AGAP1: variants seen among roughly 807,000 people sequenced by gnomAD.
The protein encoded by AGAP1 is ArfGAP with GTPase domain, ankyrin repeat and PH domain 1, also known as arf-GAP with GTPase, ANK repeat and PH domain-containing protein 1.
AGAP1 carries 29 observed loss-of-function variants against 105.3 expected under a neutral mutation model. The ratio of observed to expected loss-of-function variants is 0.28; its 90% CI spans 0.21 to 0.38. The LOEUF (loss-of-function observed/expected upper bound fraction) is 0.38. Ranked by LOEUF, AGAP1 falls within the 10% of genes least tolerant of loss-of-function variation. The pLI is 1.00. For missense variants in AGAP1, 998 were observed against 1,165.1 expected (o/e 0.86, Z 2.09); for synonymous variants, 509 against 485.9 (o/e 1.05, Z -0.63).
rs73996650 is a variant in AGAP1 at position 235,960,141 on chromosome 2, G to C, written c.1484-8321G>C. 0.063 allele frequency among the ~76,000 whole-genome samples: 9,570 copies of C among 152,172 alleles called. 978 individuals are homozygous for C. The highest frequency in any genetic ancestry group is 0.22 in the African/African-American group (9,106 of 41,452). On this transcript the variant is annotated intron_variant, in intron 12 of 17. Coordinates refer to ENST00000304032, the MANE Select transcript of AGAP1 (RefSeq NM_001037131.3). The surrounding 1 kb of genome is among the most constrained non-coding windows in gnomAD (Gnocchi z 4.9). Reference sequence around the variant, plus strand: ...GGGAGGGTGCTTGCGGACCCACCCTGGAGGACCTCGGCCCTGTAAGCAGCA... The same window carrying C: ...GGGAGGGTGCTTGCGGACCCACCCTCGAGGACCTCGGCCCTGTAAGCAGCA...
At chr2:235,852,438 C>T (rs983552329) in intron 9 of AGAP1, among the ~76,000 whole-genome samples, 1 of 152,194 alleles carries the variant, frequency 6.6e-6, no homozygotes, top group African/African-American at 2.4e-5. Flanking sequence ...TTTTGACAGG[C>T]GCCTGACAGG....
rs2057699837 is a variant in AGAP1, at chr2:236,045,838, C to T, written c.1892-3221C>T. The T allele has an allele frequency of 2.4e-6, 1 of 413,680 alleles. No individual in the cohort carries two copies. Among genetic ancestry groups the T allele is most frequent in the Admixed American group, 2.6e-5 (1 of 39,150 alleles). The allele number at this position is 413,680 out of a possible 1,614,324, so 25.6% of individuals were successfully genotyped here. A position where few individuals can be genotyped will look rare whatever the true frequency, so the allele number is the denominator to read the frequency against. ...TCTCTGCTGGAGCGGAGGCAAGGTTCTCCCCTCAGTCAGCCCCAGCCTTAC... is the reference window on the plus strand; with the variant it reads ...TCTCTGCTGGAGCGGAGGCAAGGTTTTCCCCTCAGTCAGCCCCAGCCTTAC... On this transcript the variant is annotated intron_variant, in intron 15 of 17. Coordinates refer to ENST00000304032, the MANE Select transcript of AGAP1 (RefSeq NM_001037131.3). This position sits in a 1 kb window ranked among gnomAD's most constrained non-coding sequence, Gnocchi z 6.9.
chr2:236,113,429 A>G lies in AGAP1; in HGVS notation c.2115-6763A>G, dbSNP rs1382382852. Reference sequence around the variant, plus strand: ...GCTGGGATTACAGTCATGAGCCACCATGCCCGGCTGGAGTTTGTTTTTTAA... The same window carrying G: ...GCTGGGATTACAGTCATGAGCCACCGTGCCCGGCTGGAGTTTGTTTTTTAA... On this transcript the variant is annotated intron_variant, in intron 16 of 17. Transcript: ENST00000304032. The surrounding 1 kb of genome is among the most constrained non-coding windows in gnomAD (Gnocchi z 4.3). Among the ~76,000 whole-genome samples the G allele has an allele frequency of 2.0e-5, 3 of 152,176 alleles. No individual in the cohort carries two copies. Among genetic ancestry groups the G allele is most frequent in the African/African-American group, 7.2e-5 (3 of 41,436 alleles).
rs1358473581 is a variant in AGAP1, at chr2:236,096,325, C to T, written c.2115-23867C>T. ...GACCAGCCTGGCCAACATAGTGAAACACCCATCTCTACTAAAAATACAAAA... is the reference window on the plus strand; with the variant it reads ...GACCAGCCTGGCCAACATAGTGAAATACCCATCTCTACTAAAAATACAAAA... On this transcript the variant is annotated intron_variant, in intron 16 of 17. Coordinates refer to ENST00000304032, the MANE Select transcript of AGAP1 (RefSeq NM_001037131.3). This position sits in a 1 kb window ranked among gnomAD's most constrained non-coding sequence, Gnocchi z 4.4. 6.6e-6 allele frequency among the ~76,000 whole-genome samples: 1 copy of T among 151,994 alleles called. No homozygotes were observed. Among genetic ancestry groups the T allele is most frequent in the East Asian group, 2.0e-4 (1 of 5,096 alleles).
At position 235,970,205 on chromosome 2, in the gene AGAP1, TTAAAAA is replaced by T. The variant is rs903669655; in HGVS notation, c.1645+1583_1645+1588del. 2.6e-5 allele frequency among the ~76,000 whole-genome samples: 3 copies of T among 115,396 alleles called. No individual in the cohort carries two copies. Among genetic ancestry groups the T allele is most frequent in the Non-Finnish European group, 5.5e-5 (3 of 54,530 alleles). The allele number at this position is 115,396 out of a possible 152,430, so 75.7% of individuals were successfully genotyped here. ...CGGGCGACAGAGTGAGACTCTGTCT[TTAAAAA>T]AAAAAAAAAAAAAAAAAGACGATTT... On this transcript the variant is annotated intron_variant, in intron 13 of 17. Transcript: ENST00000304032. This position sits in a 1 kb window ranked among gnomAD's most constrained non-coding sequence, Gnocchi z 5.4.
chr2:235,668,855 C>A (rs1447323502), intron 1 of AGAP1, among the ~76,000 whole-genome samples: 1 of 152,062 alleles, frequency 6.6e-6, no homozygotes, highest in East Asian at 1.9e-4. Context: ...TTATTGGCAC[C>A]CCTGTTTTAC....
rs1944771079 is a variant in AGAP1 at position 235,577,462 on chromosome 2, C to T, written c.163+82613C>T. On this transcript the variant is annotated intron_variant, in intron 1 of 17. Coordinates refer to ENST00000304032, the MANE Select transcript of AGAP1 (RefSeq NM_001037131.3). This position sits in a 1 kb window ranked among gnomAD's most constrained non-coding sequence, Gnocchi z 4.5. ...TGCCCAAAGCCTTTGCCAGATGAGA[C>T]ACTGCCTCTCGCTGAATGCCTGCTT... Among the ~76,000 whole-genome samples the T allele has an allele frequency of 6.6e-6, 1 of 152,142 alleles. No individual in the cohort carries two copies. The highest frequency in any genetic ancestry group is 1.5e-5 in the Non-Finnish European group (1 of 68,026).
intron 1 of AGAP1, among the ~76,000 whole-genome samples, chr2:235,583,757 G>A (rs73120485): frequency 0.56 from 84,771 of 151,032 alleles, 24,658 homozygotes; most frequent in African/African-American, 0.71. Flanking sequence ...TGCGCCTGTA[G>A]TCCCAGCTAC....
chr2:235,739,749 T>C lies in AGAP1; in HGVS notation c.311-1214T>C, dbSNP rs2149655530. Among the ~76,000 whole-genome samples the C allele has an allele frequency of 6.6e-6, 1 of 152,274 alleles. No homozygotes were observed. The highest frequency in any genetic ancestry group is 3.4e-3 in the Middle Eastern group (1 of 294). ...TGTGGCCTCAGAGGGTAGCTGCCCGTCTGGAGGGCCTCGGACACTTTCAGG... is the reference window on the plus strand; with the variant it reads ...TGTGGCCTCAGAGGGTAGCTGCCCGCCTGGAGGGCCTCGGACACTTTCAGG... On this transcript the variant is annotated intron_variant, in intron 3 of 17. Transcript: ENST00000304032. This position sits in a 1 kb window ranked among gnomAD's most constrained non-coding sequence, Gnocchi z 5.3.
At chr2:236,022,339 C>G (rs1218524242) in intron 13 of AGAP1, among the ~76,000 whole-genome samples, 1 of 152,232 alleles carries the variant, frequency 6.6e-6, no homozygotes, top group African/African-American at 2.4e-5. Flanking sequence ...CTCTGTTGGA[C>G]TCTCTTGGCT....
chr2:235,834,081 A>G (rs968683099), intron 9 of AGAP1, among the ~76,000 whole-genome samples: 3 of 151,444 alleles, frequency 2.0e-5, no homozygotes, highest in African/African-American at 7.3e-5. Flanking sequence ...CTGTGTCTCT[A>G]TGCAGTCCAC....
At chr2:235,643,692 G>A (rs1947279542) in intron 1 of AGAP1, among the ~76,000 whole-genome samples, 1 of 151,862 alleles carries the variant, frequency 6.6e-6, no homozygotes, top group Non-Finnish European at 1.5e-5. Flanking sequence ...GGCCAAGTGA[G>A]ATAACCGTAT....
chr2:235,704,965 T>G (rs1950456279), intron 1 of AGAP1, among the ~76,000 whole-genome samples: 2 of 55,728 alleles, frequency 3.6e-5, no homozygotes, highest in South Asian at 1.4e-3. Flanking sequence ...CAAGATGCTT[T>G]TTTCTTTTTT....
At chr2:236,017,322 T>G (rs1449930997) in intron 13 of AGAP1, among the ~76,000 whole-genome samples, 2 of 151,948 alleles carry the variant, frequency 1.3e-5, no homozygotes, top group Non-Finnish European at 2.9e-5. Flanking sequence ...ATTACAGAAT[T>G]TATAAAATTA....
chr2:235,688,108 G>C (rs899629566), intron 1 of AGAP1, among the ~76,000 whole-genome samples: 13 of 151,994 alleles, frequency 8.6e-5, no homozygotes, highest in African/African-American at 2.9e-4. Flanking sequence ...CACCATGCTG[G>C]CCAGGCTGGT....
chr2:236,053,247 G>A lies in AGAP1; in HGVS notation c.2114+3966G>A, dbSNP rs944552606. Among the ~76,000 whole-genome samples the A allele has an allele frequency of 6.6e-6, 1 of 152,242 alleles. No homozygotes were observed. The highest frequency in any genetic ancestry group is 1.5e-5 in the Non-Finnish European group (1 of 68,046). On this transcript the variant is annotated intron_variant, in intron 16 of 17. Transcript: ENST00000304032. The surrounding 1 kb of genome is among the most constrained non-coding windows in gnomAD (Gnocchi z 4.6). ...AAGATGTTAAAACAGTCGTGCGAAC[G>A]TCTCCTGCATGAATGAATGATTGAA...
chr2:235,709,532 TCCACACACACACACCCCCA>T (rs1477298448), intron 2 of AGAP1, among the ~76,000 whole-genome samples: 32 of 151,464 alleles, frequency 2.1e-4, no homozygotes, highest in Non-Finnish European at 4.1e-4. Flanking sequence ...TGTGTGTGTG[TCCACACACACACACCCCCA>T]TGGGTTGATT....
intron 1 of AGAP1, among the ~76,000 whole-genome samples, chr2:235,669,135 A>G (rs1948229792): frequency 6.6e-6 from 1 of 152,332 alleles, no homozygotes; most frequent in South Asian, 2.1e-4. Flanking sequence ...GAATTATGTT[A>G]GGAGACAGAC....
intron 3 of AGAP1, among the ~76,000 whole-genome samples, chr2:235,730,142 C>T (rs546680149): frequency 3.9e-5 from 6 of 152,082 alleles, no homozygotes; most frequent in Non-Finnish European, 7.3e-5. Flanking sequence ...ATACTCACTT[C>T]CTGAATTGCA....
Sources: gnomAD v4.1 joint callset for allele counts (sites outside exome capture counted in the v4.1 genomes callset) on GRCh38, gnomAD v4.1.1 for gene constraint, Gnocchi (gnomAD v3.1) non-coding constraint, MANE v1.5 for transcripts, NCBI Gene and HGNC (gene_info 2026-07-23, HGNC 2026-07-21) for gene names.